The following TTC29 variants were observed in gnomAD, a reference collection of about 807,000 sequenced individuals.
TTC29 encodes tetratricopeptide repeat domain 29.
Under a neutral mutation model 58.1 loss-of-function variants are expected in TTC29, and 49 were observed. The ratio of observed to expected loss-of-function variants is 0.84; its 90% CI spans 0.67 to 1.07. The LOEUF (loss-of-function observed/expected upper bound fraction) is 1.07, where lower values mean the gene tolerates loss of function less well. Ranked by LOEUF, TTC29 falls within the 50% of genes least tolerant of loss-of-function variation. The pLI is 0.00. For synonymous variants in TTC29, 209 were observed against 196.8 expected (o/e 1.06, Z -0.52); for missense variants, 582 against 555.6 (o/e 1.05, Z -0.48).
chr4:146,938,413 A>C (rs1736049676), intron 3 of TTC29, among the ~76,000 whole-genome samples: 1 of 152,144 alleles, frequency 6.6e-6, no homozygotes, highest in Non-Finnish European at 1.5e-5. Flanking sequence ...ATACAAGAAA[A>C]CGTTTTCTTT....
At chr4:146,753,662 C>A (rs868384003) in intron 11 of TTC29, among the ~76,000 whole-genome samples, 69 of 152,202 alleles carry the variant, frequency 4.5e-4, no homozygotes, top group Middle Eastern at 3.4e-3. Flanking sequence ...CCCAAATGTC[C>A]AACAATGATA....
intron 6 of TTC29, among the ~76,000 whole-genome samples, chr4:146,877,939 G>A (rs1731382124): frequency 6.6e-6 from 1 of 152,188 alleles, no homozygotes; most frequent in Non-Finnish European, 1.5e-5. Flanking sequence ...GGAGGTGACA[G>A]GAGGGTCAAG....
At chr4:146,785,771 T>C (rs1429066982) in intron 11 of TTC29, among the ~76,000 whole-genome samples, 1 of 152,170 alleles carries the variant, frequency 6.6e-6, no homozygotes, top group Non-Finnish European at 1.5e-5. Context: ...TAATAAAAGA[T>C]GACATTTCTA....
chr4:146,877,128 C>T (rs1049242711), intron 6 of TTC29, among the ~76,000 whole-genome samples: 9 of 151,756 alleles, frequency 5.9e-5, no homozygotes, highest in South Asian at 2.1e-4. Flanking sequence ...TTATAGAAGC[C>T]GATCTTGTTA....
At chr4:146,815,773 G>C (rs945171016) in intron 10 of TTC29, among the ~76,000 whole-genome samples, 1 of 152,184 alleles carries the variant, frequency 6.6e-6, no homozygotes, top group African/African-American at 2.4e-5. Flanking sequence ...AGGTGGTGGG[G>C]TATGCATTTG....
At chr4:146,823,426 T>C (rs1482309686) in intron 9 of TTC29, among the ~76,000 whole-genome samples, 1 of 152,184 alleles carries the variant, frequency 6.6e-6, no homozygotes, top group African/African-American at 2.4e-5. Flanking sequence ...ATGTGTGGTG[T>C]TATTTCCGAG....
intron 5 of TTC29, among the ~76,000 whole-genome samples, chr4:146,908,460 C>CA (rs1733673977): frequency 1.3e-5 from 2 of 151,764 alleles, no homozygotes; most frequent in Non-Finnish European, 2.9e-5. Flanking sequence ...TTTTGAAATA[C>CA]AAAAAATGTA....
intron 11 of TTC29, among the ~76,000 whole-genome samples, chr4:146,780,302 G>GGGGGGT (rs373330447): frequency 7.2e-6 from 1 of 138,456 alleles, no homozygotes; most frequent in Non-Finnish European, 1.6e-5. Flanking sequence ...CCTAACTTGG[G>GGGGGGT]GTGTGTGTGT....
chr4:146,764,972 A>C (rs191925650), intron 11 of TTC29, among the ~76,000 whole-genome samples: 1 of 152,222 alleles, frequency 6.6e-6, no homozygotes, highest in East Asian at 1.9e-4. Flanking sequence ...TTTCATGTAC[A>C]GCCTTGTTAA....
At chr4:146,881,658 T>A (rs764546644) in intron 6 of TTC29, among the ~76,000 whole-genome samples, 1 of 152,120 alleles carries the variant, frequency 6.6e-6, no homozygotes, top group Non-Finnish European at 1.5e-5. Flanking sequence ...TTTAGGTTTT[T>A]ACATTTAATT....
chr4:146,908,380 C>T (rs1733668522), intron 5 of TTC29, among the ~76,000 whole-genome samples: 1 of 151,928 alleles, frequency 6.6e-6, no homozygotes. Context: ...TTTATGACAA[C>T]AATATCAGTA....
chr4:146,750,258 C>A (rs572857311), intron 11 of TTC29, among the ~76,000 whole-genome samples: 2 of 152,142 alleles, frequency 1.3e-5, no homozygotes, highest in African/African-American at 4.8e-5. Context: ...CCGCCCGCCT[C>A]GGCCTCCCAA....
intron 9 of TTC29, among the ~76,000 whole-genome samples, chr4:146,828,119 C>T (rs947058407): frequency 3.3e-5 from 5 of 152,000 alleles, no homozygotes; most frequent in Admixed American, 6.6e-5. Flanking sequence ...CTTTTTCATA[C>T]TAAAATTATG....
chr4:146,841,066 T>C (rs1178797146), intron 8 of TTC29, among the ~76,000 whole-genome samples: 2 of 152,162 alleles, frequency 1.3e-5, no homozygotes, highest in Admixed American at 6.6e-5. Context: ...TATTTAATTG[T>C]TGTGGAGAAG....
At chr4:146,727,434 CAT>C (rs1743879769) in intron 11 of TTC29, among the ~76,000 whole-genome samples, 1 of 152,148 alleles carries the variant, frequency 6.6e-6, no homozygotes, top group South Asian at 2.1e-4. Flanking sequence ...TATATAATGA[CAT>C]GTACTCACCA....
intron 11 of TTC29, among the ~76,000 whole-genome samples, chr4:146,777,193 G>A (rs1003157118): frequency 5.3e-5 from 8 of 152,148 alleles, no homozygotes; most frequent in African/African-American, 9.7e-5. Context: ...AAGATATTAG[G>A]TTCGCGCACA....
chr4:146,736,278 G>A (rs1262726729), intron 11 of TTC29, among the ~76,000 whole-genome samples: 1 of 151,954 alleles, frequency 6.6e-6, no homozygotes, highest in East Asian at 1.9e-4. Context: ...TGAGAGTGGA[G>A]AAGAGAAGTT....
chr4:146,877,286 TTC>T (rs768073852), intron 6 of TTC29, among the ~76,000 whole-genome samples: 1 of 152,224 alleles, frequency 6.6e-6, no homozygotes, highest in Non-Finnish European at 1.5e-5. Flanking sequence ...TTGATTTTTT[TTC>T]TGTTTGCTTA....
intron 4 of TTC29, among the ~76,000 whole-genome samples, chr4:146,926,536 G>A (rs1334439599): frequency 6.6e-6 from 1 of 151,964 alleles, no homozygotes; most frequent in Non-Finnish European, 1.5e-5. Flanking sequence ...GTGCAATGGT[G>A]CAATCTTGGC....
Sources: allele counts gnomAD v4.1 joint callset (sites outside exome capture counted in the v4.1 genomes callset), GRCh38; gene constraint gnomAD v4.1.1; transcripts MANE v1.5; gene names NCBI Gene and HGNC (gene_info 2026-07-23, HGNC 2026-07-21).